Variants in POLQ observed in about 807,000 individuals in gnomAD.
POLQ encodes DNA polymerase theta.
In POLQ, 233 loss-of-function variants were observed where a neutral mutation model predicts 259.2. The observed-to-expected ratio is 0.90, with a 90% CI of 0.81 to 1.00. The LOEUF is 1.00. Among genes scored for constraint, POLQ ranks in the 50% least tolerant of loss-of-function variants. The pLI is 0.00. For synonymous variants in POLQ, 1,025 were observed against 1,048.8 expected (o/e 0.98, Z 0.44); for missense variants, 2,871 against 3,051.6 (o/e 0.94, Z 1.39).
In POLQ at chr3:121,511,950, G is replaced by C; in HGVS notation, c.1548C>G (p.Arg516=). The C allele has an allele frequency of 6.2e-7, 1 of 1,613,694 alleles. No homozygotes were observed. The highest frequency in any genetic ancestry group is 8.5e-7 in the Non-Finnish European group (1 of 1,179,604). Residue 516 remains arginine, a synonymous_variant, in exon 10 of 30, where the codon CGC becomes CGG. Coordinates refer to ENST00000264233, the MANE Select transcript of POLQ (RefSeq NM_199420.4). The stretch of plus-strand genomic sequence containing the variant: ...CTCCTTCTCGTCTTTGCAGACAGCT[G>C]CGAACAGGCTTTAGAGAACCCTGAA... ...ALLQGSLKPV[R]SCLQRREGEE...
intron 14 of POLQ, chr3:121,494,001 A>G: frequency 1.7e-6 from 1 of 604,762 alleles, no homozygotes; most frequent in Non-Finnish European, 2.9e-6. Context: ...ACATAAACAC[A>G]AAACAAACAA....
At chr3:121,479,117 CA>C (rs1352923218) in intron 19 of POLQ, among the ~76,000 whole-genome samples, 2 of 152,042 alleles carry the variant, frequency 1.3e-5, no homozygotes, top group East Asian at 3.9e-4. Context: ...AATAAAAATA[CA>C]AAATAAAAGT....
chr3:121,504,177 G>A (rs1475202073), intron 12 of POLQ, among the ~76,000 whole-genome samples: 13 of 152,138 alleles, frequency 8.5e-5, no homozygotes, highest in Admixed American at 6.6e-4. Flanking sequence ...AATGATGCAG[G>A]AAGATTCAAA....
At chr3:121,529,239 G>T (rs945897075) in intron 7 of POLQ, among the ~76,000 whole-genome samples, 3 of 152,134 alleles carry the variant, frequency 2.0e-5, no homozygotes, top group Admixed American at 1.3e-4. Context: ...ATGTATGTAT[G>T]TGTGTATGAT....
At chr3:121,479,700 A>G (rs1031635218) in intron 19 of POLQ, among the ~76,000 whole-genome samples, 5 of 151,894 alleles carry the variant, frequency 3.3e-5, no homozygotes, top group Non-Finnish European at 7.4e-5. Flanking sequence ...TGATCCACCC[A>G]CCTCAGCCTC....
chr3:121,439,279 G>A (rs561871550), intron 27 of POLQ, among the ~76,000 whole-genome samples: 1 of 151,170 alleles, frequency 6.6e-6, no homozygotes, highest in African/African-American at 2.4e-5. Flanking sequence ...CACCTAGGCT[G>A]GAATACAGTG....
Position 121,485,189 on chromosome 3 carries a change from G to A in POLQ, c.5630-5C>T. On this transcript the variant is annotated splice_region_variant and splice_polypyrimidine_tract_variant and intron_variant, in intron 16 of 29. Transcript: ENST00000264233. Reference sequence around the variant, plus strand: ...GAATTTCCTGAGGTGAGCTAGCTAAGTAAAACAAAAGTGAAACAGTTAAAA... The same window carrying A: ...GAATTTCCTGAGGTGAGCTAGCTAAATAAAACAAAAGTGAAACAGTTAAAA... 6.4e-7 allele frequency: 1 copy of A among 1,556,790 alleles called. No individual in the cohort carries two copies. Among genetic ancestry groups the A allele is most frequent in the Non-Finnish European group, 8.7e-7 (1 of 1,148,286 alleles).
At chr3:121,525,486 CA>C (rs2048366804) in intron 7 of POLQ, among the ~76,000 whole-genome samples, 3 of 152,104 alleles carry the variant, frequency 2.0e-5, no homozygotes, top group African/African-American at 7.2e-5. Context: ...CTTGCTGTCT[CA>C]GGGGTGGCAG....
At chr3:121,499,768 G>A (rs971123775) in intron 12 of POLQ, among the ~76,000 whole-genome samples, 2 of 152,074 alleles carry the variant, frequency 1.3e-5, no homozygotes, top group Non-Finnish European at 2.9e-5. Context: ...CTCAAACACA[G>A]GGGGAAAAGC....
Position 121,498,615 on chromosome 3 carries a change from A to C in POLQ, c.2015T>G (p.Leu672Ter). Residue 672 changes from leucine to a stop codon, truncating the protein, a stop_gained, in exon 13 of 30, where the codon TTA (leucine) becomes TGA (stop). Transcript: ENST00000264233. LOFTEE classifies it high-confidence loss of function. Reference sequence around the variant, plus strand: ...CATTGAAGTTGGCAACTTCTCCCATAAACAGAAAAATCGATACCAATCAAT... The same window carrying C: ...CATTGAAGTTGGCAACTTCTCCCATCAACAGAAAAATCGATACCAATCAAT... ...TTIDWYRFFC[L>*]WEKLPTSMKR... The C allele has an allele frequency of 6.2e-7, 1 of 1,613,996 alleles. No individual in the cohort carries two copies. The highest frequency in any genetic ancestry group is 8.5e-7 in the Non-Finnish European group (1 of 1,179,850).
rs763500142 is a variant in POLQ at position 121,467,552 on chromosome 3, T to C, written c.6934A>G (p.Ile2312Val). The C allele has an allele frequency of 2.4e-5, 38 of 1,613,992 alleles. No individual in the cohort carries two copies. The highest frequency in any genetic ancestry group is 2.9e-5 in the Non-Finnish European group (34 of 1,179,964). ...GGCACAAAGGCATGTCGCATGCTAA[T>C]TGAAAATGGCATTCCTCTGTCTGCA... is the stretch of plus-strand genomic sequence containing the variant. ...RAADRGMPFS[I>V]SMRHAFVPFP... Residue 2312 changes from isoleucine (I) to valine (V), a missense_variant, in exon 24 of 30, where the codon ATT (isoleucine) becomes GTT (valine). Transcript: ENST00000264233.
At chr3:121,473,230 A>C (rs932301111) in intron 21 of POLQ, 120 bp downstream of exon 21, 9 of 904,322 alleles carry the variant, frequency 1.0e-5, no homozygotes, top group Non-Finnish European at 1.5e-5. Context: ...GTGTTAATTT[A>C]TATCTGGGTA....
rs758683958 is a variant in POLQ, at chr3:121,489,961, T to C, written c.2970A>G (p.Lys990=). The change falls in exon 16 of 30, where the codon AAA becomes AAG. Residue 990 remains lysine, a synonymous_variant. Coordinates refer to ENST00000264233, the MANE Select transcript of POLQ (RefSeq NM_199420.4). ...CTTTATTTATATCTAAAGAGGCCCG[T>C]TTTCTTGCTCTGAAAATGGAACATG... The part of the protein sequence containing the change: ...HQTCSIFRAR[K]RASLDINKEK... The C allele has an allele frequency of 6.3e-7, 1 of 1,580,132 alleles. No homozygotes were observed. Among genetic ancestry groups the C allele is most frequent in the East Asian group, 2.2e-5 (1 of 44,760 alleles).
chr3:121,441,548 T>C (rs888183585), intron 26 of POLQ, among the ~76,000 whole-genome samples: 7 of 152,210 alleles, frequency 4.6e-5, no homozygotes, highest in Non-Finnish European at 1.0e-4. Context: ...ATCATCAATA[T>C]TGTACTGAAT....
At chr3:121,485,219 C>T in intron 16 of POLQ, 35 bp from the exon 17 acceptor site, 1 of 1,431,792 alleles carries the variant, frequency 7.0e-7, no homozygotes, top group Non-Finnish European at 9.5e-7. Flanking sequence ...TTAAAAATCT[C>T]TAAAAATAAA....
chr3:121,543,896 T>G (rs1375782597), intron 2 of POLQ, among the ~76,000 whole-genome samples: 1 of 151,118 alleles, frequency 6.6e-6, no homozygotes, highest in Non-Finnish European at 1.5e-5. Flanking sequence ...GGCAGGTGAA[T>G]CACTTGAACC....
rs535944371 is a variant in POLQ at position 121,472,285 on chromosome 3, AACT to A, written c.6544-124_6544-122del. The stretch of plus-strand genomic sequence containing the variant: ...TTTGAGAGTAATATCGACAACTCAA[AACT>A]ATTACTTGGAGTTTTTTAAACCACC... On this transcript the variant is annotated intron_variant, in intron 21 of 29. Transcript: ENST00000264233. 7.5e-4 allele frequency: 353 copies of A among 471,630 alleles called. 2 individuals are homozygous for A. The highest frequency in any genetic ancestry group is 6.2e-3 in the African/African-American group (320 of 51,514). The allele number at this position is 471,630 out of a possible 1,614,324, so 29.2% of individuals were successfully genotyped here.
chr3:121,454,483 G>A (rs1290053126), intron 25 of POLQ, among the ~76,000 whole-genome samples: 4 of 152,204 alleles, frequency 2.6e-5, no homozygotes, highest in Middle Eastern at 6.8e-3. Context: ...GTATTCAGGA[G>A]ACCCATCTCA....
At chr3:121,455,470 A>G (rs1426999680) in intron 25 of POLQ, among the ~76,000 whole-genome samples, 1 of 150,852 alleles carries the variant, frequency 6.6e-6, no homozygotes, top group Non-Finnish European at 1.5e-5. Context: ...GATCAACAAA[A>G]TTGATAGACT....
Sources: allele counts gnomAD v4.1 joint callset (sites outside exome capture counted in the v4.1 genomes callset), GRCh38; gene constraint gnomAD v4.1.1; transcripts MANE v1.5; gene names NCBI Gene and HGNC (gene_info 2026-07-23, HGNC 2026-07-21).